The following SHOX variants were observed in gnomAD, a reference collection of about 807,000 sequenced individuals.
SHOX encodes short stature homeobox protein.
Under a neutral mutation model 29.6 loss-of-function variants are expected in SHOX, and 12 were observed. The ratio of observed to expected loss-of-function variants is 0.41; its 90% CI spans 0.26 to 0.66. SHOX has a LOEUF of 0.66. SHOX is among the 30% of genes least tolerant of loss of function. The pLI is 0.35. For missense variants in SHOX, 499 were observed against 437.7 expected (o/e 1.14, Z -1.25); for synonymous variants, 214 against 200.6 (o/e 1.07, Z -0.57).
At position 631,323 on chromosome X, in the gene SHOX, G is replaced by C. The variant is rs2052644605; in HGVS notation, c.277+149G>C. On this transcript the variant is annotated intron_variant, in intron 1 of 4. Coordinates refer to ENST00000686671, the MANE Select transcript of SHOX (RefSeq NM_000451.4). ...GCCCGGGCCGTCAGGCTTTGCCTAA[G>C]AAAGGAAGGAAGGCAGGAGTGGACC... 4 of 1,050,376 alleles carry C rather than the reference G, an allele frequency of 3.8e-6. No individual in the cohort carries two copies. The South Asian group carries it at 5.6e-5, about 15-fold the overall frequency. 65.1% of individuals were successfully genotyped at this position (1,050,376 alleles called of 1,614,324 possible).
chrX:630,282 G>A (rs2052622453), upstream of SHOX, among the ~76,000 whole-genome samples: 2 of 144,244 alleles, frequency 1.4e-5, no homozygotes, highest in South Asian at 2.3e-4. Context: ...CTTCTCCCAA[G>A]ATCGTGCGTC....
intron 1 of SHOX, among the ~76,000 whole-genome samples, chrX:633,830 G>C (rs1486782836): frequency 1.3e-5 from 2 of 152,150 alleles, no homozygotes; most frequent in Non-Finnish European, 2.9e-5. Flanking sequence ...AGCTTGGTCA[G>C]AGAGGCTGAA....
Position 644,707 on chromosome X carries a change from A to T in SHOX, c.*71A>T. 5 of 1,352,970 alleles carry T rather than the reference A, an allele frequency of 3.7e-6. No homozygotes were observed. The highest frequency in any genetic ancestry group is 4.7e-6 in the Non-Finnish European group (5 of 1,061,018). 83.8% of individuals were successfully genotyped at this position (1,352,970 alleles called of 1,614,324 possible). A position where few individuals can be genotyped will look rare whatever the true frequency, so the allele number is the denominator to read the frequency against. ...ACCCCGCCTGCACCGCGCGTCCTGC[A>T]CTCAACCCCGCCTGGAGCTCCTTCC... On this transcript the variant is annotated 3_prime_UTR_variant, in exon 5 of 5. Transcript: ENST00000686671.
intron 2 of SHOX, among the ~76,000 whole-genome samples, chrX:637,248 G>A (rs1255626561): frequency 1.3e-5 from 2 of 151,964 alleles, no homozygotes; most frequent in African/African-American, 2.4e-5. Flanking sequence ...GGGCTGCCCC[G>A]TATAAATTAA....
At chrX:654,835 C>A (rs980446956), downstream of SHOX, among the ~76,000 whole-genome samples, 1 of 151,968 alleles carries the variant, frequency 6.6e-6, no homozygotes, top group Non-Finnish European at 1.5e-5. Context: ...CAGGTGCCCG[C>A]CACCACACCT....
chrX:656,581 C>T (rs1240596536), downstream of SHOX, among the ~76,000 whole-genome samples: 1 of 152,126 alleles, frequency 6.6e-6, no homozygotes, highest in Non-Finnish European at 1.5e-5. Flanking sequence ...GTGGCTCAAG[C>T]CTGTGATCCC....
At chrX:633,970 C>T (rs915306450) in intron 1 of SHOX, among the ~76,000 whole-genome samples, 1 of 152,208 alleles carries the variant, frequency 6.6e-6, no homozygotes, top group Non-Finnish European at 1.5e-5. Flanking sequence ...CCATTTTTGG[C>T]ACACTCTGGT....
intron 1 of SHOX, chrX:632,014 G>T: frequency 2.2e-6 from 1 of 455,900 alleles, no homozygotes; most frequent in Non-Finnish European, 4.4e-6. Flanking sequence ...CCCCGGGTCA[G>T]CTCGGTTCTG....
At chrX:636,858 T>C (rs1240605019) in intron 2 of SHOX, among the ~76,000 whole-genome samples, 1 of 145,486 alleles carries the variant, frequency 6.9e-6, no homozygotes, top group African/African-American at 2.5e-5. Flanking sequence ...GTCAACACAT[T>C]CAAACACAAC....
At chrX:643,384 C>CACCTGGTGTCCCAGGAGAGGCTTGGGG (rs2052898752) in intron 4 of SHOX, among the ~76,000 whole-genome samples, 1 of 75,318 alleles carries the variant, frequency 1.3e-5, no homozygotes, top group Admixed American at 1.4e-4. Context: ...GAGGCTTGGA[C>CACCTGGTGTCCCAGGAGAGGCTTGGGG]ACCTGGTGTC....
intron 5 of SHOX, among the ~76,000 whole-genome samples, chrX:656,704 G>T (rs1005710942): frequency 6.6e-6 from 1 of 152,044 alleles, no homozygotes; most frequent in South Asian, 2.1e-4. Context: ...TTAGCCGGGC[G>T]TGGTGGCGGG....
chrX:649,404 C>T lies in SHOX; in HGVS notation c.*4768C>T, dbSNP rs191997804. On this transcript the variant is annotated 3_prime_UTR_variant, in exon 5 of 5. Coordinates refer to ENST00000686671, the MANE Select transcript of SHOX (RefSeq NM_000451.4). ...ATGGGGACCCTCTGTATGTGATGTG[C>T]GTGGGTTTGGTTTCCCGGAAGGCCC... Among the ~76,000 whole-genome samples, 22 of 152,190 alleles carry T rather than the reference C, an allele frequency of 1.4e-4. No homozygotes were observed. In the East Asian group the frequency reaches 3.3e-3, roughly 23 times the overall value.
At chrX:632,605 C>G (rs2052670677) in intron 1 of SHOX, among the ~76,000 whole-genome samples, 1 of 152,144 alleles carries the variant, frequency 6.6e-6, no homozygotes, top group African/African-American at 2.4e-5. Flanking sequence ...GGAAATAGCC[C>G]TTGTATTCGT....
At chrX:627,246 C>T (rs186530115), upstream of SHOX, among the ~76,000 whole-genome samples, 3 of 152,276 alleles carry the variant, frequency 2.0e-5, no homozygotes, top group African/African-American at 7.2e-5. Context: ...ACTGGAGCTG[C>T]GGCCTCTCGG....
At position 651,557 on chromosome X, in the gene SHOX, G is replaced by A. The variant is rs1345573291; in HGVS notation, c.*6921G>A. ...ATGAATGTACATCTTGTAAAACTGAGATATAAATAAACTTATAAATATTTG... is the reference window on the plus strand; with the variant it reads ...ATGAATGTACATCTTGTAAAACTGAAATATAAATAAACTTATAAATATTTG... On this transcript the variant is annotated 3_prime_UTR_variant, in exon 5 of 5. Coordinates refer to ENST00000686671, the MANE Select transcript of SHOX (RefSeq NM_000451.4). 4.2e-5 allele frequency: 10 copies of A among 240,562 alleles called. No homozygotes were observed. Among genetic ancestry groups the A allele is most frequent in the Non-Finnish European group, 6.3e-5 (8 of 126,136 alleles). The allele number at this position is 240,562 out of a possible 1,614,324, so 14.9% of individuals were successfully genotyped here. A position where few individuals can be genotyped will look rare whatever the true frequency, so the allele number is the denominator to read the frequency against.
chrX:632,923 C>T (rs1396043692), intron 1 of SHOX, among the ~76,000 whole-genome samples: 1 of 152,132 alleles, frequency 6.6e-6, no homozygotes, highest in African/African-American at 2.4e-5. Context: ...TCGCAGACAC[C>T]GTTTTGCTCC....
rs865836947 is a variant in SHOX, at chrX:631,078, G to A, written c.181G>A (p.Glu61Lys). The A allele has an allele frequency of 1.9e-6, 3 of 1,613,770 alleles. No individual in the cohort carries two copies. The highest frequency in any genetic ancestry group is 1.7e-6 in the Non-Finnish European group (2 of 1,179,866). Residue 61 changes from glutamate (E) to lysine (K), a missense_variant, in exon 1 of 5, where the codon GAG becomes AAG. By Grantham distance (56) the Glu-to-Lys change is moderately conservative. Coordinates refer to ENST00000686671, the MANE Select transcript of SHOX (RefSeq NM_000451.4). ...TSDSSLQDIT[E>K]GGGHCPVHLF... ...GGATTCCAGCCTCCAGGACATCACGGAGGGCGGCGGCCACTGCCCGGTGCA... is the reference window on the plus strand; with the variant it reads ...GGATTCCAGCCTCCAGGACATCACGAAGGGCGGCGGCCACTGCCCGGTGCA...
chrX:644,200 A>C (rs1225642184), intron 4 of SHOX, 191 bp from the exon 5 acceptor site: 13 of 352,422 alleles, frequency 3.7e-5, no homozygotes, highest in Non-Finnish European at 4.8e-5. Context: ...CCGCGGATGC[A>C]TCCAGTGGCA....
intron 5 of SHOX, among the ~76,000 whole-genome samples, chrX:657,645 A>G (rs1173099553): frequency 6.6e-6 from 1 of 152,224 alleles, no homozygotes; most frequent in African/African-American, 2.4e-5. Flanking sequence ...GGATTTGGCC[A>G]TATGCAAAGA....
Sources: gnomAD v4.1 joint callset for allele counts (sites outside exome capture counted in the v4.1 genomes callset) on GRCh38, gnomAD v4.1.1 for gene constraint, MANE v1.5 for transcripts, NCBI Gene and HGNC (gene_info 2026-07-23, HGNC 2026-07-21) for gene names.